Variants in ANKS1A observed in about 807,000 individuals in gnomAD.
ANKS1A encodes ankyrin repeat and SAM domain-containing protein 1A.
ANKS1A carries 55 observed loss-of-function variants against 120.3 expected under a neutral mutation model. The observed-to-expected ratio is 0.46, with a 90% CI of 0.37 to 0.57. ANKS1A has a LOEUF of 0.57. ANKS1A is among the 20% of genes least tolerant of loss of function. The probability of loss-of-function intolerance (pLI) is 0.00; values close to 1 mark genes in which losing one functional copy is unlikely to be tolerated. For synonymous variants in ANKS1A, 590 were observed against 604.7 expected (o/e 0.98, Z 0.36); for missense variants, 1,123 against 1,480.3 (o/e 0.76, Z 3.96).
At chr6:35,045,443 C>T (rs1178527896) in intron 11 of ANKS1A, among the ~76,000 whole-genome samples, 4 of 152,212 alleles carry the variant, frequency 2.6e-5, no homozygotes, top group Non-Finnish European at 5.9e-5. Context: ...AGTTAAATGA[C>T]TTGTCCAAGG....
Position 35,060,033 on chromosome 6 carries a change from G to A in ANKS1A, c.2078-114G>A. 1.2e-6 allele frequency: 1 copy of A among 805,328 alleles called. No individual in the cohort carries two copies. Among genetic ancestry groups the A allele is most frequent in the Non-Finnish European group, 2.1e-6 (1 of 486,994 alleles). The allele number at this position is 805,328 out of a possible 1,614,324, so 49.9% of individuals were successfully genotyped here. ...CTGGTCTCTTGTATATAGTTTGGCT[G>A]TTTGATGGTAATGACTATGATGTGG... On this transcript the variant is annotated intron_variant, in intron 12 of 23. Transcript: ENST00000360359. The surrounding 1 kb of genome is among the most constrained non-coding windows in gnomAD (Gnocchi z 4.5).
intron 10 of ANKS1A, among the ~76,000 whole-genome samples, chr6:35,006,334 T>G (rs1422724511): frequency 2.6e-5 from 4 of 151,640 alleles, no homozygotes; most frequent in Admixed American, 1.3e-4. Flanking sequence ...AAAAGAATAT[T>G]CTTAATTGTA....
At chr6:35,059,922 C>T (rs1016331983) in intron 12 of ANKS1A, among the ~76,000 whole-genome samples, 17 of 152,150 alleles carry the variant, frequency 1.1e-4, no homozygotes, top group African/African-American at 3.9e-4. Context: ...GGGCAGCAGC[C>T]GCCCGAGGCT....
At chr6:34,963,006 C>T (rs538290145) in intron 1 of ANKS1A, among the ~76,000 whole-genome samples, 1 of 151,682 alleles carries the variant, frequency 6.6e-6, no homozygotes, top group African/African-American at 2.4e-5. Context: ...GGATTACAGG[C>T]ATGTGCTACC....
At chr6:35,005,634 A>G (rs1165013780) in intron 10 of ANKS1A, 3 of 404,698 alleles carry the variant, frequency 7.4e-6, no homozygotes, top group Non-Finnish European at 1.4e-5. Flanking sequence ...TGAAAGAAAG[A>G]AAAGTAAAAG....
chr6:34,966,100 C>G (rs188347024), intron 1 of ANKS1A, among the ~76,000 whole-genome samples: 98 of 152,280 alleles, frequency 6.4e-4, no homozygotes, highest in African/African-American at 2.3e-3. Flanking sequence ...TGACCTGTGA[C>G]TTTAACCTAA....
intron 1 of ANKS1A, among the ~76,000 whole-genome samples, chr6:34,932,335 A>G (rs1581710631): frequency 6.6e-6 from 1 of 152,002 alleles, no homozygotes; most frequent in South Asian, 2.1e-4. Flanking sequence ...ACAGGCACCC[A>G]CCACCGCCCC....
In ANKS1A at chr6:35,060,323, C is replaced by T. The variant is rs1203412381; in HGVS notation, c.2184+70C>T. The T allele has an allele frequency of 3.6e-6, 5 of 1,374,836 alleles. No individual in the cohort carries two copies. Among genetic ancestry groups the T allele is most frequent in the Admixed American group, 2.0e-5 (1 of 51,064 alleles). 85.2% of individuals were successfully genotyped at this position (1,374,836 alleles called of 1,614,324 possible). ...GAAACAGGCCTCCCTGGCCTCCCCT[C>T]TGGCCCCACAGGAGTCTGCAACAGT... On this transcript the variant is annotated intron_variant, in intron 13 of 23. Coordinates refer to ENST00000360359, the MANE Select transcript of ANKS1A (RefSeq NM_015245.3). This position sits in a 1 kb window ranked among gnomAD's most constrained non-coding sequence, Gnocchi z 4.5.
intron 12 of ANKS1A, among the ~76,000 whole-genome samples, chr6:35,056,002 A>G (rs534778872): frequency 6.6e-6 from 1 of 152,316 alleles, no homozygotes; most frequent in South Asian, 2.1e-4. Context: ...CACTGTTACC[A>G]TTTTCAAAGC....
intron 11 of ANKS1A, among the ~76,000 whole-genome samples, chr6:35,028,933 A>G (rs1171059618): frequency 1.3e-5 from 2 of 152,238 alleles, no homozygotes; most frequent in Non-Finnish European, 2.9e-5. Context: ...GAAACTGAAC[A>G]GCTGTGTGAA....
At chr6:34,942,960 T>A (rs572923071) in intron 1 of ANKS1A, among the ~76,000 whole-genome samples, 63 of 151,194 alleles carry the variant, frequency 4.2e-4, no homozygotes, top group Admixed American at 1.7e-3. Context: ...CTTTCCCCTT[T>A]CCTTTTCCTT....
chr6:34,936,705 T>C (rs1769272695), intron 1 of ANKS1A, among the ~76,000 whole-genome samples: 1 of 152,190 alleles, frequency 6.6e-6, no homozygotes, highest in African/African-American at 2.4e-5. Flanking sequence ...CCAAGGATAT[T>C]CGGTTTCCTC....
At chr6:34,990,435 G>A (rs1219650276) in intron 9 of ANKS1A, among the ~76,000 whole-genome samples, 1 of 150,888 alleles carries the variant, frequency 6.6e-6, no homozygotes, top group Non-Finnish European at 1.5e-5. Context: ...CCAAGTGTAC[G>A]CAGTAAATCC....
intron 10 of ANKS1A, among the ~76,000 whole-genome samples, chr6:34,995,403 C>T (rs1772797937): frequency 6.6e-6 from 1 of 151,896 alleles, no homozygotes; most frequent in South Asian, 2.1e-4. Flanking sequence ...TTATGGTTTC[C>T]ATTCGGAGCT....
intron 13 of ANKS1A, among the ~76,000 whole-genome samples, chr6:35,068,415 C>T (rs757227621): frequency 6.6e-5 from 10 of 152,104 alleles, no homozygotes; most frequent in Non-Finnish European, 4.4e-5. Context: ...CCCACATCTG[C>T]CCGGGGTTTG....
chr6:35,059,506 G>T (rs1313830922), intron 12 of ANKS1A, among the ~76,000 whole-genome samples: 1 of 152,234 alleles, frequency 6.6e-6, no homozygotes, highest in African/African-American at 2.4e-5. Context: ...CGTGTTCTGT[G>T]CTGCTTGTGT....
At chr6:34,929,490 T>A (rs1768873265) in intron 1 of ANKS1A, among the ~76,000 whole-genome samples, 1 of 152,242 alleles carries the variant, frequency 6.6e-6, no homozygotes, top group South Asian at 2.1e-4. Flanking sequence ...CGTTCACGTG[T>A]CTCTAGTTTG....
At chr6:35,069,634 A>G (rs1776975809) in intron 13 of ANKS1A, among the ~76,000 whole-genome samples, 1 of 151,870 alleles carries the variant, frequency 6.6e-6, no homozygotes, top group Non-Finnish European at 1.5e-5. Context: ...CTGACCCCCC[A>G]GGCTCAAGTG....
intron 1 of ANKS1A, among the ~76,000 whole-genome samples, chr6:34,959,781 A>G (rs1319871407): frequency 6.6e-6 from 1 of 152,200 alleles, no homozygotes; most frequent in Non-Finnish European, 1.5e-5. Flanking sequence ...CTAGGTCTGA[A>G]GAGTGGTAAG....
Sources: allele counts gnomAD v4.1 joint callset (sites outside exome capture counted in the v4.1 genomes callset), GRCh38; gene constraint gnomAD v4.1.1; non-coding constraint Gnocchi (gnomAD v3.1); transcripts MANE v1.5; gene names NCBI Gene and HGNC (gene_info 2026-07-23, HGNC 2026-07-21).